ETS1: variants seen among roughly 807,000 people sequenced by gnomAD.
ETS1 encodes ETS proto-oncogene 1, transcription factor, also known as protein C-ets-1.
Under a neutral mutation model 58.6 loss-of-function variants are expected in ETS1, and 15 were observed. That is an observed-to-expected ratio of 0.26 (90% CI 0.17 to 0.39). The LOEUF (loss-of-function observed/expected upper bound fraction) is 0.39. Among genes scored for constraint, ETS1 ranks in the 10% least tolerant of loss-of-function variants. ETS1 has a pLI of 1.00. For missense variants in ETS1, 417 were observed against 610.5 expected (o/e 0.68, Z 3.34); for synonymous variants, 214 against 218.2 (o/e 0.98, Z 0.17).
intron 1 of ETS1, among the ~76,000 whole-genome samples, chr11:128,573,437 T>A (rs919649393): frequency 6.6e-6 from 1 of 152,272 alleles, no homozygotes; most frequent in East Asian, 1.9e-4. Context: ...AAGAGGCACA[T>A]TTTTGTAGGG....
Position 128,459,359 on chromosome 11 carries a change from A to G in ETS1, c.*3002T>C, listed in dbSNP as rs1375849410. ...GTATTTCTCACCATGAAGGTTAGGC[A>G]GGTTAATGCTGTAAAACCCAGAGTG... On this transcript the variant is annotated 3_prime_UTR_variant, in exon 10 of 10. Transcript: ENST00000392668. The G allele has an allele frequency of 1.3e-5, 2 of 152,770 alleles. No individual in the cohort carries two copies. The highest frequency in any genetic ancestry group is 2.9e-5 in the Non-Finnish European group (2 of 68,038). 9.5% of individuals were successfully genotyped at this position (152,770 alleles called of 1,614,324 possible).
At chr11:128,585,174 GAAA>G in intron 1 of ETS1, among the ~76,000 whole-genome samples, 3 of 21,124 alleles carry the variant, frequency 1.4e-4, no homozygotes, top group African/African-American at 5.8e-4. Flanking sequence ...GAAAGAGAAA[GAAA>G]GAAAGAAAGA....
At chr11:128,521,323 A>G (rs1184524745) in intron 3 of ETS1, among the ~76,000 whole-genome samples, 1 of 152,214 alleles carries the variant, frequency 6.6e-6, no homozygotes, top group East Asian at 1.9e-4. Flanking sequence ...AGTAACCTAC[A>G]TGAATAGGGT....
intron 6 of ETS1, 63 bp from the exon 7 acceptor site, chr11:128,485,134 A>G (rs1862593288): frequency 2.7e-6 from 4 of 1,485,894 alleles, no homozygotes; most frequent in Non-Finnish European, 3.7e-6. Flanking sequence ...AGCAGTTTTC[A>G]CCATCTACAG....
At chr11:128,558,993 T>A (rs1013384463) in intron 2 of ETS1, among the ~76,000 whole-genome samples, 2 of 152,148 alleles carry the variant, frequency 1.3e-5, no homozygotes, top group African/African-American at 4.8e-5. Context: ...AGTGAGAAAA[T>A]TTTGATTCTA....
chr11:128,474,761 G>A (rs894420218), intron 8 of ETS1, among the ~76,000 whole-genome samples: 2 of 152,230 alleles, frequency 1.3e-5, no homozygotes, highest in African/African-American at 4.8e-5. Context: ...TATTTAAGCT[G>A]AGGGGGCTGC....
At chr11:128,583,609 G>T (rs1864918546) in intron 1 of ETS1, among the ~76,000 whole-genome samples, 1 of 152,038 alleles carries the variant, frequency 6.6e-6, no homozygotes, top group South Asian at 2.1e-4. Context: ...TATGCATCTG[G>T]AATTATTTCA....
At chr11:128,472,846 C>T (rs1029463641) in intron 8 of ETS1, among the ~76,000 whole-genome samples, 3 of 152,212 alleles carry the variant, frequency 2.0e-5, no homozygotes, top group Non-Finnish European at 4.4e-5. Flanking sequence ...CTCTTCGCTG[C>T]CTTTTTTTCC....
At chr11:128,522,428 T>G in intron 3 of ETS1, 1 of 854,832 alleles carries the variant, frequency 1.2e-6, no homozygotes, top group Non-Finnish European at 1.4e-6. Context: ...GATGTCCGCT[T>G]GGGGGAGCGA....
At chr11:128,522,279 C>T (rs1208138885) in intron 3 of ETS1, 1 of 1,120,596 alleles carries the variant, frequency 8.9e-7, no homozygotes, top group South Asian at 3.3e-5. Flanking sequence ...CCCTCCTCTC[C>T]GCCGGCGGCT....
At chr11:128,478,780 T>G (rs1862403369) in intron 8 of ETS1, among the ~76,000 whole-genome samples, 1 of 152,184 alleles carries the variant, frequency 6.6e-6, no homozygotes, top group Non-Finnish European at 1.5e-5. Context: ...AGTGACTTAA[T>G]ACACTTTTCC....
intron 2 of ETS1, among the ~76,000 whole-genome samples, chr11:128,568,209 G>A (rs1330990010): frequency 6.6e-6 from 1 of 152,104 alleles, no homozygotes; most frequent in Admixed American, 6.5e-5. Flanking sequence ...GGCCAAAGGG[G>A]TCACTAGTCC....
intron 3 of ETS1, chr11:128,522,220 C>A: frequency 8.2e-7 from 1 of 1,225,634 alleles, no homozygotes; most frequent in Non-Finnish European, 1.0e-6. Context: ...GCTCGGGTCC[C>A]AGCCTCGCCC....
intron 3 of ETS1, among the ~76,000 whole-genome samples, chr11:128,508,821 G>A (rs1426641292): frequency 6.6e-6 from 1 of 152,210 alleles, no homozygotes; most frequent in African/African-American, 2.4e-5. Context: ...AGAGCCTAGT[G>A]TGTATTCTGC....
At chr11:128,482,310 TA>T (rs1374846828) in intron 7 of ETS1, among the ~76,000 whole-genome samples, 2 of 152,186 alleles carry the variant, frequency 1.3e-5, no homozygotes, top group East Asian at 3.8e-4. Context: ...TCATACCAGC[TA>T]CTGATCTTCA....
Position 128,463,093 on chromosome 11 carries a change from G to A in ETS1, c.1242+416C>T, listed in dbSNP as rs1466651727. ...CATTGTTTTTTATCCTCAGAATTGG[G>A]CATGGCACGGAACCACTACTCCATA... On this transcript the variant is annotated intron_variant, in intron 9 of 9. Transcript: ENST00000392668. The surrounding 1 kb of genome is among the most constrained non-coding windows in gnomAD (Gnocchi z 4.1). Among the ~76,000 whole-genome samples, 1 of 151,300 alleles carries A rather than the reference G, an allele frequency of 6.6e-6. No homozygotes were observed. Among genetic ancestry groups the A allele is most frequent in the Non-Finnish European group, 1.5e-5 (1 of 67,862 alleles).
chr11:128,559,079 GA>G (rs1864362422), intron 2 of ETS1, among the ~76,000 whole-genome samples: 1 of 152,220 alleles, frequency 6.6e-6, no homozygotes, highest in South Asian at 2.1e-4. Flanking sequence ...AAAAACAAAA[GA>G]TCCTCGTAAA....
At chr11:128,553,691 G>A (rs1864267513) in intron 3 of ETS1, among the ~76,000 whole-genome samples, 1 of 151,000 alleles carries the variant, frequency 6.6e-6, no homozygotes, top group Non-Finnish European at 1.5e-5. Flanking sequence ...CCACACTCCC[G>A]CCACCCTCCT....
At chr11:128,498,883 C>T (rs577320757) in intron 3 of ETS1, among the ~76,000 whole-genome samples, 1 of 152,332 alleles carries the variant, frequency 6.6e-6, no homozygotes, top group South Asian at 2.1e-4. Context: ...TAGATAATTA[C>T]ACCTGACTCC....
Sources: gnomAD v4.1 joint callset for allele counts (sites outside exome capture counted in the v4.1 genomes callset) on GRCh38, gnomAD v4.1.1 for gene constraint, Gnocchi (gnomAD v3.1) non-coding constraint, MANE v1.5 for transcripts, NCBI Gene and HGNC (gene_info 2026-07-23, HGNC 2026-07-21) for gene names.